Variants in FREM3 observed in about 807,000 individuals in gnomAD.
The protein encoded by FREM3 is FRAS1-related extracellular matrix protein 3.
A neutral mutation model predicts 129.1 loss-of-function variants in FREM3; 105 were observed. The observed-to-expected ratio is 0.81, with a 90% CI of 0.69 to 0.96. FREM3 has a LOEUF of 0.96. FREM3 is among the 40% of genes least tolerant of loss of function. FREM3 has a pLI of 0.00. For missense variants in FREM3, 2,593 were observed against 2,666.3 expected (o/e 0.97, Z 0.61); for synonymous variants, 1,014 against 1,044.9 (o/e 0.97, Z 0.57).
chr4:143,661,479 G>A (rs1739722279), intron 2 of FREM3, among the ~76,000 whole-genome samples: 1 of 151,872 alleles, frequency 6.6e-6, no homozygotes, highest in African/African-American at 2.4e-5. Context: ...TGTGCTGCTG[G>A]ATTCTGTTTG....
chr4:143,616,424 G>A (rs1167486567), intron 5 of FREM3, among the ~76,000 whole-genome samples: 1 of 152,098 alleles, frequency 6.6e-6, no homozygotes, highest in African/African-American at 2.4e-5. Flanking sequence ...AATCAACACA[G>A]AGAATCTTTT....
chr4:143,680,972 T>C (rs1196578505), intron 2 of FREM3, among the ~76,000 whole-genome samples: 3 of 152,084 alleles, frequency 2.0e-5, no homozygotes, highest in African/African-American at 7.2e-5. Context: ...ACGAGGCAAG[T>C]CAAATTCCAT....
intron 2 of FREM3, among the ~76,000 whole-genome samples, chr4:143,628,676 G>A (rs530597679): frequency 1.1e-4 from 17 of 152,294 alleles, no homozygotes; most frequent in African/African-American, 4.1e-4. Flanking sequence ...AGAAGAATTT[G>A]TGAAGAGAGT....
chr4:143,700,561 C>T lies in FREM3; in HGVS notation c.115G>A (p.Glu39Lys), dbSNP rs754723701. 5 of 1,515,794 alleles carry T rather than the reference C, an allele frequency of 3.3e-6. No individual in the cohort carries two copies. Among genetic ancestry groups the T allele is most frequent in the African/African-American group, 2.8e-5 (2 of 72,450 alleles). The allele number at this position is 1,515,794 out of a possible 1,614,324, so 93.9% of individuals were successfully genotyped here. A position where few individuals can be genotyped will look rare whatever the true frequency, so the allele number is the denominator to read the frequency against. ...GGCAGGTAAAGCGCCGGGTCGGGCT[C>T]GGTCCCAAGTGAGGATGCCCGTCCC... ...LQGRASSLGT[E>K]PDPALYLPAR... Residue 39 changes from glutamate to lysine, a missense_variant, in exon 1 of 8, where the codon GAG becomes AAG. Physicochemically the swap from Glu to Lys is moderately conservative, Grantham distance 56 (BLOSUM62 1). Coordinates refer to ENST00000329798, the MANE Select transcript of FREM3 (RefSeq NM_001168235.2).
chr4:143,679,511 G>A (rs1740213230), intron 2 of FREM3, among the ~76,000 whole-genome samples: 1 of 152,126 alleles, frequency 6.6e-6, no homozygotes, highest in Non-Finnish European at 1.5e-5. Context: ...AGCGGTTTCA[G>A]CATAAAAGAA....
chr4:143,594,942 C>T (rs1738440099), intron 6 of FREM3, among the ~76,000 whole-genome samples: 1 of 152,134 alleles, frequency 6.6e-6, no homozygotes, highest in South Asian at 2.1e-4. Flanking sequence ...ATGCTTTGGC[C>T]ACATCACATT....
chr4:143,681,565 G>A (rs966093602), intron 2 of FREM3, among the ~76,000 whole-genome samples: 16 of 152,200 alleles, frequency 1.1e-4, no homozygotes, highest in African/African-American at 3.4e-4. Flanking sequence ...ATGTTAAAAA[G>A]TAGACTGATC....
chr4:143,680,586 T>C (rs1316439513), intron 2 of FREM3, among the ~76,000 whole-genome samples: 1 of 152,126 alleles, frequency 6.6e-6, no homozygotes, highest in Non-Finnish European at 1.5e-5. Context: ...TATAACTGTC[T>C]TTGCCTTTGA....
intron 2 of FREM3, among the ~76,000 whole-genome samples, chr4:143,679,440 T>C (rs1740211324): frequency 1.3e-5 from 2 of 152,344 alleles, no homozygotes; most frequent in Non-Finnish European, 2.9e-5. Flanking sequence ...GCTGGACTGC[T>C]GGATAACTTA....
chr4:143,680,661 G>T (rs947356740), intron 2 of FREM3, among the ~76,000 whole-genome samples: 1 of 152,036 alleles, frequency 6.6e-6, no homozygotes, highest in East Asian at 1.9e-4. Context: ...AAAAATAAGA[G>T]CAAACAGACT....
chr4:143,697,736 A>T lies in FREM3; in HGVS notation c.2940T>A (p.Gly980=), dbSNP rs2149864828. ...TTACAATGAAAGACAGCATCAAGTCACCTACATCCTTCCTTTTGCCATGGA... is the reference window on the plus strand; with the variant it reads ...TTACAATGAAAGACAGCATCAAGTCTCCTACATCCTTCCTTTTGCCATGGA... ...GVIHGKRKDV[G]DLMLSFIVKD... is the part of the protein sequence containing the mutation. The change falls in exon 1 of 8, where the codon GGT becomes GGA. Residue 980 remains glycine, a synonymous_variant. Transcript: ENST00000329798. 1 of 1,537,628 alleles carries T rather than the reference A, an allele frequency of 6.5e-7. No homozygotes were observed. The highest frequency in any genetic ancestry group is 2.4e-5 in the East Asian group (1 of 40,912).
chr4:143,591,978 C>T (rs984619404), intron 6 of FREM3, among the ~76,000 whole-genome samples: 1 of 152,106 alleles, frequency 6.6e-6, no homozygotes, highest in Non-Finnish European at 1.5e-5. Context: ...TGAATTGATC[C>T]CTTTACCATT....
chr4:143,680,310 A>G (rs983038112), intron 2 of FREM3, among the ~76,000 whole-genome samples: 6 of 151,590 alleles, frequency 4.0e-5, no homozygotes, highest in Non-Finnish European at 7.4e-5. Context: ...ATCACAATGT[A>G]ATCTCCTTTA....
In FREM3 at chr4:143,687,501, A is replaced by C. The variant is rs191968255; in HGVS notation, c.5275+5612T>G. On this transcript the variant is annotated intron_variant, in intron 2 of 7. Transcript: ENST00000329798. The stretch of plus-strand genomic sequence containing the variant: ...GATAGAGAAAAACGGAACCCTCCCT[A>C]ATTCATTCTATGAAGCCAGCATCAC... Among the ~76,000 whole-genome samples the C allele has an allele frequency of 2.4e-4, 36 of 152,282 alleles. 2 individuals carry two copies. The East Asian group carries it at 6.4e-3, about 27-fold the overall frequency.
rs1740580584 is a variant in FREM3, at chr4:143,696,878, A to C, written c.3798T>G (p.Ile1266Met). 6.5e-7 allele frequency: 1 copy of C among 1,537,396 alleles called. No individual in the cohort carries two copies. Residue 1266 changes from isoleucine (I) to methionine (M), a missense_variant, in exon 1 of 8, where the codon ATT becomes ATG. Ile to Met is a conservative substitution (Grantham distance 10). This residue lies in a region of FREM3 where 2,276 missense variants were observed against 2,267.2 expected (regional missense o/e 1.00). Transcript: ENST00000329798. ...TCTCTGAGTCATCATGCTCATACACAATGGTGGAGGCCTCCTGGATCTCCT... is the reference window on the plus strand; with the variant it reads ...TCTCTGAGTCATCATGCTCATACACCATGGTGGAGGCCTCCTGGATCTCCT... ...TLKEIQEAST[I>M]VYEHDDSETK...
intron 6 of FREM3, among the ~76,000 whole-genome samples, chr4:143,594,517 T>C (rs891168855): frequency 2.0e-5 from 3 of 152,180 alleles, no homozygotes; most frequent in African/African-American, 7.2e-5. Flanking sequence ...TTTTTAACTC[T>C]CTTCTGATGT....
At chr4:143,657,064 T>C (rs1182330834) in intron 2 of FREM3, among the ~76,000 whole-genome samples, 1 of 152,200 alleles carries the variant, frequency 6.6e-6, no homozygotes, top group African/African-American at 2.4e-5. Flanking sequence ...TGCATTCACA[T>C]TCACAAAATG....
rs749881088 is a variant in FREM3 at position 143,700,273 on chromosome 4, C to G, written c.403G>C (p.Gly135Arg). The change falls in exon 1 of 8, where the codon GGA (glycine) becomes CGA (arginine). Residue 135 changes from glycine to arginine, a missense_variant. Coordinates refer to ENST00000329798, the MANE Select transcript of FREM3 (RefSeq NM_001168235.2). ...QYTHFGSHSP[G>R]RARVLLQLRY... ...AGCTGCAGCAGCACCCGGGCGCGTCCGGGGCTGTGGGAGCCGAAGTGAGTG... is the reference window on the plus strand; with the variant it reads ...AGCTGCAGCAGCACCCGGGCGCGTCGGGGGCTGTGGGAGCCGAAGTGAGTG... 3.9e-6 allele frequency: 6 copies of G among 1,536,366 alleles called. No homozygotes were observed. The highest frequency in any genetic ancestry group is 2.0e-5 in the Admixed American group (1 of 50,988).
intron 5 of FREM3, among the ~76,000 whole-genome samples, chr4:143,617,975 G>A (rs1738880093): frequency 1.3e-5 from 2 of 152,160 alleles, no homozygotes; most frequent in African/African-American, 4.8e-5. Context: ...CAACCAAAGT[G>A]TCCAGCAGAC....
Sources: allele counts gnomAD v4.1 joint callset (sites outside exome capture counted in the v4.1 genomes callset), GRCh38; gene constraint gnomAD v4.1.1; regional missense constraint gnomAD v4.1.1; transcripts MANE v1.5; gene names NCBI Gene and HGNC (gene_info 2026-07-23, HGNC 2026-07-21).